The following AKAP13 variants were observed in gnomAD, a reference collection of about 807,000 sequenced individuals.
AKAP13 encodes the protein A-kinase anchor protein 13.
AKAP13 carries 80 observed loss-of-function variants against 264.5 expected under a neutral mutation model. That is an observed-to-expected ratio of 0.30 (90% CI 0.25 to 0.36). The LOEUF is 0.36. AKAP13 is among the 10% of genes least tolerant of loss of function. AKAP13 has a pLI of 1.00. For missense variants in AKAP13, 3,712 were observed against 3,435.2 expected (o/e 1.08, Z -2.01); for synonymous variants, 1,380 against 1,250.2 (o/e 1.10, Z -2.19).
chr15:85,555,839 A>G (rs997671527), intron 5 of AKAP13, among the ~76,000 whole-genome samples: 2 of 152,170 alleles, frequency 1.3e-5, no homozygotes, highest in Non-Finnish European at 2.9e-5. Context: ...TAAACTGTGG[A>G]CACTTGGTTT....
chr15:85,651,206 C>T (rs555186368), intron 10 of AKAP13, among the ~76,000 whole-genome samples: 1 of 152,118 alleles, frequency 6.6e-6, no homozygotes, highest in Non-Finnish European at 1.5e-5. Flanking sequence ...GCATTTTTCC[C>T]AACATTTTAT....
At chr15:85,441,228 G>A (rs1470658027) in intron 1 of AKAP13, among the ~76,000 whole-genome samples, 2 of 140,794 alleles carry the variant, frequency 1.4e-5, no homozygotes, top group African/African-American at 4.9e-5. Flanking sequence ...CCGTTCTGGT[G>A]GGTGTGTATT....
At chr15:85,414,075 T>C (rs990748996) in intron 1 of AKAP13, among the ~76,000 whole-genome samples, 15 of 152,186 alleles carry the variant, frequency 9.9e-5, no homozygotes, top group African/African-American at 3.4e-4. Context: ...TGTAACTCTT[T>C]TTAAGGTTTT....
At position 85,702,530 on chromosome 15, in the gene AKAP13, C is replaced by T. The variant is rs141117134; in HGVS notation, c.5465-5489C>T. On this transcript the variant is annotated intron_variant, in intron 17 of 36. Coordinates refer to ENST00000394518, the MANE Select transcript of AKAP13 (RefSeq NM_007200.5). Reference sequence around the variant, plus strand: ...GAAATGTAGCATCCATGCAGTTAGTCGTTTACCTCCTAGGAAACCTTTGTG... The same window carrying T: ...GAAATGTAGCATCCATGCAGTTAGTTGTTTACCTCCTAGGAAACCTTTGTG... 5.3e-5 allele frequency: 8 copies of T among 152,002 alleles called. No individual in the cohort carries two copies. In the East Asian group the frequency reaches 9.6e-4, roughly 18 times the overall value. The allele number at this position is 152,002 out of a possible 1,614,324, so 9.4% of individuals were successfully genotyped here.
At chr15:85,401,741 C>G (rs1468399390) in intron 1 of AKAP13, among the ~76,000 whole-genome samples, 1 of 152,118 alleles carries the variant, frequency 6.6e-6, no homozygotes, top group Non-Finnish European at 1.5e-5. Context: ...TCTTTCCTGT[C>G]TTAGGGATCT....
intron 1 of AKAP13, among the ~76,000 whole-genome samples, chr15:85,474,105 C>T (rs2075063344): frequency 4.6e-5 from 7 of 152,152 alleles, no homozygotes; most frequent in Admixed American, 3.9e-4. Context: ...AAAAAGTGTT[C>T]CCAACTGTAA....
chr15:85,646,657 A>G (rs1046329647), intron 10 of AKAP13, among the ~76,000 whole-genome samples: 1 of 152,146 alleles, frequency 6.6e-6, no homozygotes, highest in African/African-American at 2.4e-5. Flanking sequence ...ATTTCTGGTT[A>G]ATGTGTTTAG....
chr15:85,481,794 G>T (rs968639721), intron 1 of AKAP13, among the ~76,000 whole-genome samples: 14 of 152,160 alleles, frequency 9.2e-5, no homozygotes, highest in African/African-American at 3.4e-4. Context: ...GTCATGTATT[G>T]TCCCTGTGTT....
chr15:85,597,053 C>G (rs1051955308), intron 8 of AKAP13, among the ~76,000 whole-genome samples: 6 of 152,076 alleles, frequency 3.9e-5, no homozygotes, highest in African/African-American at 1.4e-4. Flanking sequence ...GTCCTGTTCC[C>G]TTTTGATTTA....
intron 1 of AKAP13, among the ~76,000 whole-genome samples, chr15:85,412,555 A>C: frequency 6.6e-6 from 1 of 152,364 alleles, no homozygotes; most frequent in East Asian, 1.9e-4. Flanking sequence ...TTTTAAAATG[A>C]AGTAATATTT....
rs1381353321 is a variant in AKAP13 at position 85,744,628 on chromosome 15, A to G, written c.8393A>G (p.Asp2798Gly). The G allele has an allele frequency of 3.1e-6, 5 of 1,613,906 alleles. No individual in the cohort carries two copies. The highest frequency in any genetic ancestry group is 2.5e-6 in the Non-Finnish European group (3 of 1,179,962). The change falls in exon 37 of 37, where the codon GAT becomes GGT. Residue 2798 changes from aspartate (D) to glycine (G), a missense_variant and splice_region_variant. Coordinates refer to ENST00000394518, the MANE Select transcript of AKAP13 (RefSeq NM_007200.5). ...KNKTSRSQPG[D>G]GPASEVSAEG... is the part of the protein sequence containing the mutation. ...TCATTCTTGGTTTTCACATTTCCAG[A>G]TGGTCCCGCGTCAGAAGTATCAGCA...
At chr15:85,395,828 G>C (rs13379755) in intron 1 of AKAP13, among the ~76,000 whole-genome samples, 28,637 of 151,872 alleles carry the variant, frequency 0.19, 3,261 homozygotes, top group Admixed American at 0.31. Context: ...TGTACTGTCA[G>C]ATTGCCCACT....
At chr15:85,490,204 A>G (rs1461834425) in intron 2 of AKAP13, among the ~76,000 whole-genome samples, 1 of 152,238 alleles carries the variant, frequency 6.6e-6, no homozygotes, top group Non-Finnish European at 1.5e-5. Flanking sequence ...GATGCAAGAA[A>G]TATTTCAAAA....
intron 3 of AKAP13, among the ~76,000 whole-genome samples, chr15:85,532,678 T>C (rs2077279045): frequency 1.3e-5 from 2 of 152,238 alleles, no homozygotes; most frequent in Non-Finnish European, 2.9e-5. Flanking sequence ...ATTGGAAATA[T>C]TTAATTCTGT....
intron 10 of AKAP13, among the ~76,000 whole-genome samples, chr15:85,654,317 C>G (rs2082999306): frequency 6.6e-6 from 1 of 152,130 alleles, no homozygotes; most frequent in Non-Finnish European, 1.5e-5. Flanking sequence ...TAAAAACAAC[C>G]ACAGACTTCC....
chr15:85,546,115 C>T (rs1486094561), intron 5 of AKAP13, among the ~76,000 whole-genome samples: 1 of 152,062 alleles, frequency 6.6e-6, no homozygotes, highest in Non-Finnish European at 1.5e-5. Flanking sequence ...AGCTAATGTC[C>T]TCAAGGTTCA....
At chr15:85,585,648 A>G in intron 7 of AKAP13, 54 bp from the exon 8 acceptor site, 2 of 1,609,756 alleles carry the variant, frequency 1.2e-6, no homozygotes, top group Non-Finnish European at 8.5e-7. Flanking sequence ...ATGAATAGTA[A>G]GGCACAGGAA....
rs765257468 is a variant in AKAP13 at position 85,718,770 on chromosome 15, T to A, written c.6002-306T>A. On this transcript the variant is annotated intron_variant, in intron 22 of 36. Coordinates refer to ENST00000394518, the MANE Select transcript of AKAP13 (RefSeq NM_007200.5). This position sits in a 1 kb window ranked among gnomAD's most constrained non-coding sequence, Gnocchi z 4.9. ...CAAAAATCAGCCAGGCGTGATGGCATGTACCTGCAGCCCCAGCTGCTCGAG... is the reference window on the plus strand; with the variant it reads ...CAAAAATCAGCCAGGCGTGATGGCAAGTACCTGCAGCCCCAGCTGCTCGAG... 1 of 333,636 alleles carries A rather than the reference T, an allele frequency of 3.0e-6. No individual in the cohort carries two copies. The highest frequency in any genetic ancestry group is 5.7e-6 in the Non-Finnish European group (1 of 176,134). 20.7% of individuals were successfully genotyped at this position (333,636 alleles called of 1,614,324 possible). A position where few individuals can be genotyped will look rare whatever the true frequency, so the allele number is the denominator to read the frequency against.
chr15:85,467,081 C>T (rs895488679), intron 1 of AKAP13, among the ~76,000 whole-genome samples: 2 of 149,794 alleles, frequency 1.3e-5, no homozygotes, highest in African/African-American at 4.9e-5. Flanking sequence ...TAACTACACA[C>T]ACACACACAC....
Sources: gnomAD v4.1 joint callset for allele counts (sites outside exome capture counted in the v4.1 genomes callset) on GRCh38, gnomAD v4.1.1 for gene constraint, Gnocchi (gnomAD v3.1) non-coding constraint, MANE v1.5 for transcripts, NCBI Gene and HGNC (gene_info 2026-07-23, HGNC 2026-07-21) for gene names.